Variants in POU6F2 observed in about 807,000 individuals in gnomAD.
POU6F2 encodes the protein POU class 6 homeobox 2, also known as POU domain, class 6, transcription factor 2.
POU6F2 carries 31 observed loss-of-function variants against 71.3 expected under a neutral mutation model. That is an observed-to-expected ratio of 0.43 (90% CI 0.33 to 0.59). The LOEUF is 0.59. POU6F2 is among the 20% of genes least tolerant of loss of function. The pLI is 0.04. For missense variants in POU6F2, 783 were observed against 856.8 expected (o/e 0.91, Z 1.07); for synonymous variants, 347 against 355.7 (o/e 0.98, Z 0.27).
chr7:38,988,173 A>C (rs1172133146), intron 1 of POU6F2, among the ~76,000 whole-genome samples: 1 of 152,070 alleles, frequency 6.6e-6, no homozygotes, highest in Non-Finnish European at 1.5e-5. Context: ...ATTGCTAAGG[A>C]GTGGAAGAAA....
intron 2 of POU6F2, among the ~76,000 whole-genome samples, chr7:39,180,591 C>T (rs1793416799): frequency 6.6e-6 from 1 of 152,182 alleles, no homozygotes; most frequent in Admixed American, 6.5e-5. Flanking sequence ...CCTCGTGTCT[C>T]CGCTATTCCC....
chr7:39,304,544 GA>G (rs72575102), intron 4 of POU6F2, among the ~76,000 whole-genome samples: 2 of 150,982 alleles, frequency 1.3e-5, no homozygotes, highest in African/African-American at 2.5e-5. Context: ...AAAGACAGGA[GA>G]AAAAAAATCA....
At chr7:39,155,833 A>G (rs558451280) in intron 2 of POU6F2, among the ~76,000 whole-genome samples, 8 of 152,178 alleles carry the variant, frequency 5.3e-5, no homozygotes, top group African/African-American at 9.7e-5. Flanking sequence ...AGTTTTATCT[A>G]TATATTTTTA....
At chr7:39,023,565 C>T (rs888978346) in intron 1 of POU6F2, among the ~76,000 whole-genome samples, 4 of 152,000 alleles carry the variant, frequency 2.6e-5, no homozygotes, top group African/African-American at 7.2e-5. Context: ...AATTATCCAG[C>T]CCCAAATGTC....
In POU6F2 at chr7:39,249,426, A is replaced by G. The variant is rs919181093; in HGVS notation, c.598+41806A>G. On this transcript the variant is annotated intron_variant, in intron 4 of 9. Transcript: ENST00000518318. ...ATAATGCATCTCTCTTAAAACGTAC[A>G]GCACCCACCACATTTCTGCTCTTTC... 2.0e-5 allele frequency among the ~76,000 whole-genome samples: 3 copies of G among 152,160 alleles called. No homozygotes were observed. In the East Asian group the frequency reaches 5.8e-4, roughly 29 times the overall value.
intron 6 of POU6F2, among the ~76,000 whole-genome samples, chr7:39,429,118 TA>T (rs60711102): frequency 0.1 from 15,112 of 148,814 alleles, 777 homozygotes; most frequent in African/African-American, 0.12. Flanking sequence ...ATAATAATAA[TA>T]AAAAAAAAAA....
intron 1 of POU6F2, among the ~76,000 whole-genome samples, chr7:38,996,035 C>CTTTTTTTTTTTTTTTT (rs5883669): frequency 1.2e-5 from 1 of 85,390 alleles, no homozygotes. Context: ...AGGGGCTTGG[C>CTTTTTTTTTTTTTTTT]TTTTTTTTTT....
intron 1 of POU6F2, among the ~76,000 whole-genome samples, chr7:39,020,560 GAA>G (rs921903405): frequency 1.3e-5 from 2 of 152,094 alleles, no homozygotes; most frequent in African/African-American, 2.4e-5. Context: ...AATTTGAAAA[GAA>G]TATGAATTTT....
At chr7:39,447,046 C>G (rs891632304) in intron 7 of POU6F2, among the ~76,000 whole-genome samples, 1 of 152,070 alleles carries the variant, frequency 6.6e-6, no homozygotes, top group African/African-American at 2.4e-5. Flanking sequence ...TTATATCAAG[C>G]AAAGAACAAT....
intron 2 of POU6F2, among the ~76,000 whole-genome samples, chr7:39,148,147 A>G (rs1372558689): frequency 6.6e-6 from 1 of 152,180 alleles, no homozygotes; most frequent in Non-Finnish European, 1.5e-5. Flanking sequence ...CACAGAACAG[A>G]AAGGAATTTT....
At chr7:39,133,230 T>C (rs1347240603) in intron 2 of POU6F2, among the ~76,000 whole-genome samples, 1 of 152,230 alleles carries the variant, frequency 6.6e-6, no homozygotes, top group Non-Finnish European at 1.5e-5. Flanking sequence ...TGTAGTCAGC[T>C]GTTGCTGGGG....
At chr7:39,418,946 T>TATATAA (rs1787753318) in intron 6 of POU6F2, among the ~76,000 whole-genome samples, 1 of 81,838 alleles carries the variant, frequency 1.2e-5, no homozygotes, top group Admixed American at 1.2e-4. Context: ...TGTGTATATA[T>TATATAA]GTATATATGT....
chr7:39,263,754 A>G (rs1261002438), intron 4 of POU6F2, among the ~76,000 whole-genome samples: 3 of 152,046 alleles, frequency 2.0e-5, no homozygotes, highest in East Asian at 1.9e-4. Flanking sequence ...GCAGAACAGC[A>G]TTTTTTTATT....
At chr7:39,384,845 A>C (rs768499338) in intron 5 of POU6F2, among the ~76,000 whole-genome samples, 7 of 152,194 alleles carry the variant, frequency 4.6e-5, no homozygotes, top group Non-Finnish European at 8.8e-5. Context: ...TACACACAGA[A>C]TGGAAGCAAA....
intron 5 of POU6F2, among the ~76,000 whole-genome samples, chr7:39,358,873 T>TA (rs10626884): frequency 0.31 from 41,960 of 134,304 alleles, 6,537 homozygotes; most frequent in South Asian, 0.37. Context: ...CTTCTGTATT[T>TA]AAAAAAAAAA....
At chr7:39,130,948 G>C (rs1393439865) in intron 2 of POU6F2, among the ~76,000 whole-genome samples, 1 of 152,226 alleles carries the variant, frequency 6.6e-6, no homozygotes, top group Non-Finnish European at 1.5e-5. Flanking sequence ...GCGTCTCACG[G>C]ATGCAGGTGA....
intron 5 of POU6F2, among the ~76,000 whole-genome samples, chr7:39,400,993 G>A (rs1156450551): frequency 6.6e-6 from 1 of 152,204 alleles, no homozygotes; most frequent in Non-Finnish European, 1.5e-5. Flanking sequence ...CAAAGCCAGA[G>A]TCCCTGCTGG....
chr7:39,255,680 A>T (rs1005568411), intron 4 of POU6F2, among the ~76,000 whole-genome samples: 1 of 152,252 alleles, frequency 6.6e-6, no homozygotes, highest in Non-Finnish European at 1.5e-5. Context: ...ATAAGTCATC[A>T]TAAGCCGTCT....
chr7:39,366,423 G>A lies in POU6F2; in HGVS notation c.972+26408G>A, dbSNP rs1583553671. 2.0e-5 allele frequency among the ~76,000 whole-genome samples: 3 copies of A among 152,268 alleles called. No homozygotes were observed. The South Asian group carries it at 6.2e-4, about 32-fold the overall frequency. On this transcript the variant is annotated intron_variant, in intron 5 of 9. Coordinates refer to ENST00000518318, the MANE Select transcript of POU6F2 (RefSeq NM_001370959.1). ...TCATAATTCCACAAGGCATGACAGA[G>A]AGCCAGGAGCAAAGGCTTCAAGGAA...
Sources: allele counts gnomAD v4.1 joint callset (sites outside exome capture counted in the v4.1 genomes callset), GRCh38; gene constraint gnomAD v4.1.1; transcripts MANE v1.5; gene names NCBI Gene and HGNC (gene_info 2026-07-23, HGNC 2026-07-21).